MAP2: variants seen among roughly 807,000 people sequenced by gnomAD.
The protein encoded by MAP2 is microtubule-associated protein 2.
Under a neutral mutation model 137.6 loss-of-function variants are expected in MAP2, and 14 were observed. The ratio of observed to expected loss-of-function variants is 0.10; its 90% confidence interval spans 0.07 to 0.16. MAP2 has a LOEUF of 0.16. Among genes scored for constraint, MAP2 ranks in the 10% least tolerant of loss-of-function variants. MAP2 has a pLI of 1.00. For missense variants in MAP2, 2,088 were observed against 2,191.5 expected (o/e 0.95, Z 0.94); for synonymous variants, 786 against 782.3 (o/e 1.00, Z -0.08).
rs141098427 is a variant in MAP2 at position 209,670,302 on chromosome 2, C to T, written c.263-8270C>T. ...CCATTGGACACCCCCAAAACCACCACCAGCAGAACACTTTAACTAGAACAT... is the reference window on the plus strand; with the variant it reads ...CCATTGGACACCCCCAAAACCACCATCAGCAGAACACTTTAACTAGAACAT... On this transcript the variant is annotated intron_variant, in intron 5 of 15. Transcript: ENST00000682079. Among the ~76,000 whole-genome samples, 7 of 152,022 alleles carry T rather than the reference C, an allele frequency of 4.6e-5. No individual in the cohort carries two copies. The East Asian group carries it at 1.4e-3, about 29-fold the overall frequency.
intron 3 of MAP2, among the ~76,000 whole-genome samples, chr2:209,617,968 G>A (rs975030051): frequency 1.3e-5 from 2 of 151,632 alleles, no homozygotes; most frequent in African/African-American, 4.9e-5. Flanking sequence ...AATACTAATG[G>A]CTTTTAGAAT....
chr2:209,524,297 A>G (rs1443604552), intron 2 of MAP2, among the ~76,000 whole-genome samples: 1 of 152,060 alleles, frequency 6.6e-6, no homozygotes, highest in African/African-American at 2.4e-5. Flanking sequence ...TTCAACAGGC[A>G]GAAGTAGTTT....
At chr2:209,550,503 C>G (rs1352674555) in intron 2 of MAP2, among the ~76,000 whole-genome samples, 1 of 151,960 alleles carries the variant, frequency 6.6e-6, no homozygotes, top group Admixed American at 6.6e-5. Flanking sequence ...ACTCTAATTC[C>G]TACACTTGAT....
At chr2:209,509,008 A>G (rs1163252256) in intron 2 of MAP2, among the ~76,000 whole-genome samples, 2 of 152,022 alleles carry the variant, frequency 1.3e-5, no homozygotes, top group Admixed American at 1.3e-4. Context: ...TGTAAAGTAT[A>G]CATCATTGAA....
chr2:209,559,030 C>T (rs1046189962), intron 2 of MAP2, among the ~76,000 whole-genome samples: 1 of 152,122 alleles, frequency 6.6e-6, no homozygotes, highest in Non-Finnish European at 1.5e-5. Context: ...CACATTCTTT[C>T]ACCCAGCAGT....
intron 3 of MAP2, among the ~76,000 whole-genome samples, chr2:209,607,958 C>G (rs554939198): frequency 6.6e-6 from 1 of 152,310 alleles, no homozygotes; most frequent in Non-Finnish European, 1.5e-5. Context: ...ACACTCTTTT[C>G]TTAGCATTTT....
At chr2:209,540,484 T>G (rs543043691) in intron 2 of MAP2, among the ~76,000 whole-genome samples, 12 of 149,944 alleles carry the variant, frequency 8.0e-5, no homozygotes, top group Admixed American at 7.3e-4. Flanking sequence ...ATACGAAAAT[T>G]GCCGAGCGTG....
At chr2:209,703,040 A>G (rs1338969548) in intron 11 of MAP2, among the ~76,000 whole-genome samples, 4 of 152,084 alleles carry the variant, frequency 2.6e-5, no homozygotes, top group Non-Finnish European at 4.4e-5. Flanking sequence ...ATCCTTCCCA[A>G]TTATACTTGC....
In MAP2 at chr2:209,561,305, G is replaced by A. The variant is rs1443459250; in HGVS notation, c.-171-18731G>A. ...TGAACTTGGCAAAGAAGGTGATTGG[G>A]TTTGGTAGGGCTTTATTCCAGCTTT... On this transcript the variant is annotated intron_variant, in intron 2 of 15. Transcript: ENST00000682079. Among the ~76,000 whole-genome samples the A allele has an allele frequency of 2.6e-5, 4 of 152,158 alleles. 1 individual carries two copies. The highest frequency in any genetic ancestry group is 2.6e-4 in the Admixed American group (4 of 15,274).
intron 2 of MAP2, among the ~76,000 whole-genome samples, chr2:209,528,810 A>G (rs548834565): frequency 6.6e-6 from 1 of 151,276 alleles, no homozygotes; most frequent in East Asian, 2.0e-4. Flanking sequence ...GTACATATGT[A>G]TGTATATATG....
At chr2:209,663,079 C>T (rs990536366) in intron 5 of MAP2, among the ~76,000 whole-genome samples, 3 of 152,002 alleles carry the variant, frequency 2.0e-5, no homozygotes, top group African/African-American at 4.8e-5. Context: ...GATTTTATTG[C>T]GGTTGGGAGG....
intron 1 of MAP2, among the ~76,000 whole-genome samples, chr2:209,506,795 T>C (rs1006458503): frequency 2.0e-5 from 3 of 152,210 alleles, no homozygotes; most frequent in Admixed American, 1.3e-4. Flanking sequence ...TTGGACTGAT[T>C]GTCGACCCAG....
chr2:209,648,151 G>C (rs1034987060), intron 4 of MAP2, among the ~76,000 whole-genome samples: 2 of 150,520 alleles, frequency 1.3e-5, no homozygotes, highest in African/African-American at 4.9e-5. Context: ...GCCCAGGCTG[G>C]AGTGCAATGG....
chr2:209,713,504 G>T (rs2066261187), intron 13 of MAP2, among the ~76,000 whole-genome samples: 1 of 152,152 alleles, frequency 6.6e-6, no homozygotes, highest in South Asian at 2.1e-4. Context: ...CATTCTATTG[G>T]AAAGAATATG....
chr2:209,538,822 A>C (rs1476571930), intron 2 of MAP2, among the ~76,000 whole-genome samples: 1 of 152,190 alleles, frequency 6.6e-6, no homozygotes, highest in East Asian at 1.9e-4. Flanking sequence ...TTGTTCAATG[A>C]GAAGGATGTG....
chr2:209,582,483 C>T (rs1404472522), intron 3 of MAP2, among the ~76,000 whole-genome samples: 2 of 152,056 alleles, frequency 1.3e-5, no homozygotes, highest in Admixed American at 6.6e-5. Context: ...AAATACTACT[C>T]CCAGGCTTGA....
At chr2:209,666,755 GA>G (rs1428856472) in intron 5 of MAP2, among the ~76,000 whole-genome samples, 4 of 151,284 alleles carry the variant, frequency 2.6e-5, no homozygotes, top group Admixed American at 6.6e-5. Flanking sequence ...TTTATGTGAA[GA>G]AAAAAATTTT....
At chr2:209,435,600 A>G (rs944538131) in intron 1 of MAP2, among the ~76,000 whole-genome samples, 1 of 151,722 alleles carries the variant, frequency 6.6e-6, no homozygotes, top group Non-Finnish European at 1.5e-5. Context: ...TCAGTGAAGG[A>G]TTTTTGACCT....
intron 2 of MAP2, among the ~76,000 whole-genome samples, chr2:209,555,414 G>A (rs1041442025): frequency 2.0e-5 from 3 of 152,148 alleles, no homozygotes; most frequent in Admixed American, 6.6e-5. Flanking sequence ...AATGGAGGCC[G>A]AGAGTTGGAC....
Sources: allele counts gnomAD v4.1 joint callset (sites outside exome capture counted in the v4.1 genomes callset), GRCh38; gene constraint gnomAD v4.1.1; transcripts MANE v1.5; gene names NCBI Gene and HGNC (gene_info 2026-07-23, HGNC 2026-07-21).